The following DEFB108B variants were observed in gnomAD, a reference collection of about 807,000 sequenced individuals.
DEFB108B encodes beta-defensin 108B.
Under a neutral mutation model 2.4 loss-of-function variants are expected in DEFB108B, and 3 were observed. The observed-to-expected ratio is 1.25, with a 90% CI of 0.57 to 3.24. DEFB108B has a LOEUF of 3.24. DEFB108B is among the 30% of genes most tolerant of loss of function. The pLI is 0.03. For synonymous variants in DEFB108B, 25 were observed against 28.7 expected (o/e 0.87, Z 0.41); for missense variants, 101 against 87.8 (o/e 1.15, Z -0.60).
At position 71,833,247 on chromosome 11, in the gene DEFB108B, A is replaced by T; in HGVS notation, c.48A>T (p.Gln16His). 1 of 1,584,296 alleles carries T rather than the reference A, an allele frequency of 6.3e-7. No individual in the cohort carries two copies. The highest frequency in any genetic ancestry group is 8.6e-7 in the Non-Finnish European group (1 of 1,157,408). ...TCGCCATTTTCTTCTTTATGAGCCA[A>T]GTTCTACCAGGTAACAAAATAAACT... is the stretch of plus-strand genomic sequence containing the variant. The part of the protein sequence containing the change: ...LLFAIFFFMS[Q>H]VLPARGKFKE... The change falls in exon 1 of 2, where the codon CAA (glutamine) becomes CAT (histidine). Residue 16 changes from glutamine to histidine, a missense_variant. Transcript: ENST00000328698.
In DEFB108B at chr11:71,837,621, C is replaced by T. The variant is rs1429747800; in HGVS notation, c.*59C>T. ...TTTTTCTCTCTCCCTCTCTCTGTCT[C>T]CCTGTCTCCCTTTCCCTCTCTCCAT... On this transcript the variant is annotated 3_prime_UTR_variant, in exon 2 of 2. Transcript: ENST00000328698. 5 of 1,560,480 alleles carry T rather than the reference C, an allele frequency of 3.2e-6. No homozygotes were observed. Among genetic ancestry groups the T allele is most frequent in the Non-Finnish European group, 4.3e-6 (5 of 1,155,604 alleles).
In DEFB108B at chr11:71,837,625, GTCTCCCTT is replaced by G; in HGVS notation, c.*66_*73del. 6.4e-7 allele frequency: 1 copy of G among 1,556,792 alleles called. No homozygotes were observed. The highest frequency in any genetic ancestry group is 2.3e-5 in the East Asian group (1 of 44,428). On this transcript the variant is annotated 3_prime_UTR_variant, in exon 2 of 2. Coordinates refer to ENST00000328698, the MANE Select transcript of DEFB108B (RefSeq NM_001002035.2). Reference sequence around the variant, plus strand: ...TCTCTCTCCCTCTCTCTGTCTCCCTGTCTCCCTTTCCCTCTCTCCATTTTTCTCACAGG... The same window carrying G: ...TCTCTCTCCCTCTCTCTGTCTCCCTGTCCCTCTCTCCATTTTTCTCACAGG...
In DEFB108B at chr11:71,833,223, C is replaced by T. The variant is rs11235192; in HGVS notation, c.24C>T (p.Phe8=). 0.64 allele frequency: 1,019,546 copies of T among 1,595,930 alleles called. 329,965 individuals carry two copies. The highest frequency in any genetic ancestry group is 0.67 in the Middle Eastern group (2,932 of 4,384). MRIAVLL[F]AIFFFMSQVL... ...CCATGAGGATTGCTGTCCTCCTCTT[C>T]GCCATTTTCTTCTTTATGAGCCAAG... Residue 8 remains phenylalanine, a synonymous_variant, in exon 1 of 2, where the codon TTC becomes TTT. Transcript: ENST00000328698.
intron 1 of DEFB108B, among the ~76,000 whole-genome samples, chr11:71,835,105 T>G (rs564919596): frequency 5.7e-4 from 87 of 152,364 alleles, no homozygotes; most frequent in African/African-American, 2.0e-3. Flanking sequence ...TTTCAACCTT[T>G]ATTTTAGATT....
intron 1 of DEFB108B, chr11:71,836,942 G>C (rs1208850890): frequency 9.7e-6 from 1 of 103,134 alleles, no homozygotes; most frequent in Admixed American, 8.2e-5. Flanking sequence ...TAGAGTGTGT[G>C]TTTGTGTGTG....
chr11:71,834,889 T>C (rs1210973856), intron 1 of DEFB108B: 1 of 152,202 alleles, frequency 6.6e-6, no homozygotes, highest in Non-Finnish European at 1.5e-5. Flanking sequence ...GCCTATGATG[T>C]TCATTGTAAC....
rs1952226871 is a variant in DEFB108B, at chr11:71,837,180, C to T, written c.59-219C>T. Reference sequence around the variant, plus strand: ...CCTCCAGCCTTTTGTCATGTAGGTGCACCCAATATTCTCAGATTTTTCAAG... The same window carrying T: ...CCTCCAGCCTTTTGTCATGTAGGTGTACCCAATATTCTCAGATTTTTCAAG... On this transcript the variant is annotated intron_variant, in intron 1 of 1. Transcript: ENST00000328698. 3 of 578,808 alleles carry T rather than the reference C, an allele frequency of 5.2e-6. No homozygotes were observed. In the East Asian group the frequency reaches 9.3e-5, roughly 18 times the overall value. The allele number at this position is 578,808 out of a possible 1,614,324, so 35.9% of individuals were successfully genotyped here.
At chr11:71,835,040 C>T (rs1318458363) in intron 1 of DEFB108B, among the ~76,000 whole-genome samples, 1 of 152,118 alleles carries the variant, frequency 6.6e-6, no homozygotes, top group Non-Finnish European at 1.5e-5. Flanking sequence ...TGTAAATGAA[C>T]AATGGTACAT....
At chr11:71,834,679 C>T (rs895842289) in intron 1 of DEFB108B, 59 of 152,310 alleles carry the variant, frequency 3.9e-4, no homozygotes, top group African/African-American at 1.4e-3. Flanking sequence ...AGCAGAACTG[C>T]AAACTTTTTG....
chr11:71,835,196 G>T (rs562578458), intron 1 of DEFB108B, among the ~76,000 whole-genome samples: 2 of 152,294 alleles, frequency 1.3e-5, no homozygotes, highest in Admixed American at 6.5e-5. Context: ...CTGTCACGCA[G>T]GTAGGGTGTA....
chr11:71,835,695 C>A (rs4122049), intron 1 of DEFB108B, among the ~76,000 whole-genome samples: 93,528 of 151,996 alleles, frequency 0.62, 29,157 homozygotes, highest in South Asian at 0.66. Context: ...GGTATAGTAA[C>A]ATAGTACACA....
At position 71,833,980 on chromosome 11, in the gene DEFB108B, C is replaced by G. The variant is rs561884474; in HGVS notation, c.58+723C>G. On this transcript the variant is annotated intron_variant, in intron 1 of 1. Transcript: ENST00000328698. ...TTGCCCATGGTGGTTACCAGACACC[C>G]AAAATAGATCCAAAAATTTTCTGGA... Among the ~76,000 whole-genome samples the G allele has an allele frequency of 2.0e-5, 3 of 152,272 alleles. No individual in the cohort carries two copies. In the South Asian group the frequency reaches 6.2e-4, roughly 32 times the overall value.
At position 71,837,546 on chromosome 11, in the gene DEFB108B, C is replaced by T. The variant is rs1952231650; in HGVS notation, c.206C>T (p.Thr69Ile). 3 of 1,611,172 alleles carry T rather than the reference C, an allele frequency of 1.9e-6. No homozygotes were observed. The highest frequency in any genetic ancestry group is 2.5e-6 in the Non-Finnish European group (3 of 1,179,480). ...CATCAACCAAGAATTGAGAGCACTA[C>T]ACCCAAAAAGGACTGAAGCCTGTTG... ...LGHQPRIEST[T>I]PKKD The change falls in exon 2 of 2, where the codon ACA (threonine) becomes ATA (isoleucine). Residue 69 changes from threonine (T) to isoleucine (I), a missense_variant. Transcript: ENST00000328698.
intron 1 of DEFB108B, among the ~76,000 whole-genome samples, chr11:71,835,304 G>A (rs538626280): frequency 6.6e-6 from 1 of 151,948 alleles, no homozygotes; most frequent in African/African-American, 2.4e-5. Flanking sequence ...TGCACTTATT[G>A]CTCGGCCCCC....
intron 1 of DEFB108B, among the ~76,000 whole-genome samples, chr11:71,836,671 C>A (rs770831369): frequency 1.3e-5 from 2 of 152,080 alleles, no homozygotes; most frequent in Admixed American, 6.6e-5. Flanking sequence ...TTTAAGAAGA[C>A]CTTGAATGTT....
At chr11:71,835,656 G>A (rs2121253850) in intron 1 of DEFB108B, among the ~76,000 whole-genome samples, 1 of 152,262 alleles carries the variant, frequency 6.6e-6, no homozygotes, top group East Asian at 1.9e-4. Context: ...TTGAAAAGTG[G>A]TTTGAAAATA....
At chr11:71,837,326 C>T in intron 1 of DEFB108B, 73 bp from the exon 2 acceptor site, 1 of 1,563,610 alleles carries the variant, frequency 6.4e-7, no homozygotes, top group East Asian at 2.2e-5. Context: ...GCACTGCCCC[C>T]TACATCCATG....
intron 1 of DEFB108B, among the ~76,000 whole-genome samples, chr11:71,833,505 G>A (rs1278409853): frequency 2.6e-5 from 4 of 152,124 alleles, no homozygotes. Flanking sequence ...AAGTTTACTA[G>A]CAGTTACTAG....
intron 1 of DEFB108B, among the ~76,000 whole-genome samples, chr11:71,836,023 C>T (rs1187809223): frequency 6.6e-6 from 1 of 152,170 alleles, no homozygotes; most frequent in African/African-American, 2.4e-5. Context: ...GGTTCATCCT[C>T]TACACTATAC....
Sources: allele counts gnomAD v4.1 joint callset (sites outside exome capture counted in the v4.1 genomes callset), GRCh38; gene constraint gnomAD v4.1.1; transcripts MANE v1.5; gene names NCBI Gene and HGNC (gene_info 2026-07-23, HGNC 2026-07-21).